SDK2: variants seen among roughly 807,000 people sequenced by gnomAD.
SDK2 encodes sidekick cell adhesion molecule 2.
SDK2 carries 105 observed loss-of-function variants against 253.9 expected under a neutral mutation model. The ratio of observed to expected loss-of-function variants is 0.41; its 90% CI spans 0.35 to 0.49. SDK2 has a LOEUF of 0.49. SDK2 is among the 20% of genes least tolerant of loss of function. The pLI is 0.06. For synonymous variants in SDK2, 1,249 were observed against 1,234.9 expected (o/e 1.01, Z -0.24); for missense variants, 2,608 against 3,003.0 (o/e 0.87, Z 3.07).
At chr17:73,378,355 G>T (rs2062800904) in intron 36 of SDK2, among the ~76,000 whole-genome samples, 1 of 151,996 alleles carries the variant, frequency 6.6e-6, no homozygotes, top group Non-Finnish European at 1.5e-5. Context: ...GCCCACCTTG[G>T]CCTCCTAAAG....
chr17:73,344,570 T>C (rs138872283), intron 44 of SDK2, among the ~76,000 whole-genome samples: 36 of 152,366 alleles, frequency 2.4e-4, no homozygotes, highest in African/African-American at 8.2e-4. Flanking sequence ...TAAATGGGGA[T>C]AGTTTCACTT....
chr17:73,492,284 C>T (rs955019309), intron 2 of SDK2, among the ~76,000 whole-genome samples: 1 of 152,120 alleles, frequency 6.6e-6, no homozygotes, highest in African/African-American at 2.4e-5. Flanking sequence ...CAGTAGGTAG[C>T]TGAGCAGAGT....
rs2270718 is a variant in SDK2, at chr17:73,384,277, G to A, written c.4570-266C>T. Reference sequence around the variant, plus strand: ...GGAAACTGAGGCTCAGAGATGTTAAGGAACTTGCCCAAGATCACAGAGCAT... The same window carrying A: ...GGAAACTGAGGCTCAGAGATGTTAAAGAACTTGCCCAAGATCACAGAGCAT... On this transcript the variant is annotated intron_variant, in intron 32 of 44. Transcript: ENST00000392650. 9.1e-3 allele frequency among the ~76,000 whole-genome samples: 1,389 copies of A among 152,246 alleles called. 37 individuals carry two copies. The highest frequency in any genetic ancestry group is 0.087 in the East Asian group (450 of 5,164).
chr17:73,485,400 C>G (rs368002329), intron 2 of SDK2, among the ~76,000 whole-genome samples: 2 of 152,088 alleles, frequency 1.3e-5, no homozygotes, highest in African/African-American at 2.4e-5. Context: ...CCTGAGACAT[C>G]GACTGTGGTG....
At chr17:73,592,938 C>T (rs577305997) in intron 1 of SDK2, among the ~76,000 whole-genome samples, 27 of 152,062 alleles carry the variant, frequency 1.8e-4, no homozygotes, top group African/African-American at 4.6e-4. Flanking sequence ...GTGTTTGCAG[C>T]GCATGGGGGT....
chr17:73,594,443 T>C (rs754922936), intron 1 of SDK2, among the ~76,000 whole-genome samples: 1 of 151,768 alleles, frequency 6.6e-6, no homozygotes, highest in Non-Finnish European at 1.5e-5. Flanking sequence ...GTTGCTCCCC[T>C]GGAAAGTGTT....
At chr17:73,540,804 C>T (rs1355086535) in intron 1 of SDK2, among the ~76,000 whole-genome samples, 2 of 152,222 alleles carry the variant, frequency 1.3e-5, no homozygotes, top group Non-Finnish European at 1.5e-5. Flanking sequence ...TGCCTCTCCC[C>T]TCGTGGGCTG....
intron 44 of SDK2, among the ~76,000 whole-genome samples, chr17:73,347,621 T>A (rs901110950): frequency 3.3e-5 from 5 of 152,160 alleles, no homozygotes; most frequent in African/African-American, 1.2e-4. Flanking sequence ...TGCTGGCACC[T>A]CTTCCTTCAC....
chr17:73,643,997 CTGT>C lies in SDK2; in HGVS notation c.64+25_64+27del. 6.5e-7 allele frequency: 1 copy of C among 1,531,962 alleles called. No homozygotes were observed. Among genetic ancestry groups the C allele is most frequent in the Non-Finnish European group, 8.8e-7 (1 of 1,131,690 alleles). 94.9% of individuals were successfully genotyped at this position (1,531,962 alleles called of 1,614,324 possible). A position where few individuals can be genotyped will look rare whatever the true frequency, so the allele number is the denominator to read the frequency against. On this transcript the variant is annotated intron_variant, in intron 1 of 44. Coordinates refer to ENST00000392650, the MANE Select transcript of SDK2 (RefSeq NM_001144952.2). The surrounding 1 kb of genome is among the most constrained non-coding windows in gnomAD (Gnocchi z 6.9). ...CCCGCCCACTCTCCCAGCCCCCTCC[CTGT>C]CCCCACGTGGGGGTCCCTCCTTACC...
At chr17:73,428,051 A>G (rs1478981374) in intron 12 of SDK2, among the ~76,000 whole-genome samples, 1 of 152,230 alleles carries the variant, frequency 6.6e-6, no homozygotes, top group African/African-American at 2.4e-5. Flanking sequence ...ATGCCTCACC[A>G]AAGAAGGTAC....
intron 1 of SDK2, among the ~76,000 whole-genome samples, chr17:73,631,510 A>T (rs1413148874): frequency 6.6e-6 from 1 of 152,148 alleles, no homozygotes; most frequent in East Asian, 1.9e-4. Flanking sequence ...AGAGACAAAC[A>T]TCAGGGATGG....
At chr17:73,413,308 C>T (rs2063154835) in intron 18 of SDK2, among the ~76,000 whole-genome samples, 1 of 151,846 alleles carries the variant, frequency 6.6e-6, no homozygotes, top group Non-Finnish European at 1.5e-5. Context: ...ACCCCCAGAT[C>T]GGACCATCTA....
intron 1 of SDK2, among the ~76,000 whole-genome samples, chr17:73,599,635 TGAA>T (rs2045810230): frequency 1.3e-5 from 2 of 151,306 alleles, no homozygotes; most frequent in African/African-American, 2.4e-5. Flanking sequence ...GAGGAAAGGA[TGAA>T]GAAGGAGGGA....
At chr17:73,523,853 G>A (rs917356167) in intron 1 of SDK2, among the ~76,000 whole-genome samples, 3 of 151,976 alleles carry the variant, frequency 2.0e-5, no homozygotes, top group Non-Finnish European at 2.9e-5. Context: ...GCAGAAGCGA[G>A]CCCCCTCTTG....
chr17:73,468,928 G>A (rs189795193), intron 3 of SDK2, among the ~76,000 whole-genome samples: 2 of 151,906 alleles, frequency 1.3e-5, no homozygotes, highest in Admixed American at 1.3e-4. Flanking sequence ...GGGTTCATGC[G>A]ATTCTCCCAC....
Position 73,379,413 on chromosome 17 carries a change from G to T in SDK2, c.4864+35C>A, listed in dbSNP as rs375474489. 1.3e-6 allele frequency: 2 copies of T among 1,548,962 alleles called. No homozygotes were observed. Among genetic ancestry groups the T allele is most frequent in the Middle Eastern group, 1.7e-4 (1 of 5,736 alleles). On this transcript the variant is annotated intron_variant, in intron 35 of 44. Transcript: ENST00000392650. The surrounding 1 kb of genome is among the most constrained non-coding windows in gnomAD (Gnocchi z 4.5). ...GCTGAACTGGGTGGGGCTGGGAAAGGCATGCTGGGGCCGGACAGGGCGGGC... is the reference window on the plus strand; with the variant it reads ...GCTGAACTGGGTGGGGCTGGGAAAGTCATGCTGGGGCCGGACAGGGCGGGC...
intron 1 of SDK2, among the ~76,000 whole-genome samples, chr17:73,537,040 G>A (rs963660246): frequency 6.6e-6 from 1 of 152,188 alleles, no homozygotes; most frequent in African/African-American, 2.4e-5. Flanking sequence ...TGAGGCTTTG[G>A]GGACTGTGAG....
At chr17:73,470,035 G>C (rs1053368664) in intron 3 of SDK2, among the ~76,000 whole-genome samples, 13 of 86,994 alleles carry the variant, frequency 1.5e-4, no homozygotes, top group African/African-American at 4.4e-4. Context: ...CACACACACA[G>C]AGGTTCTGGC....
intron 1 of SDK2, among the ~76,000 whole-genome samples, chr17:73,628,404 G>A (rs1246292379): frequency 6.6e-6 from 1 of 152,224 alleles, no homozygotes; most frequent in Non-Finnish European, 1.5e-5. Context: ...CCTCCTAGAC[G>A]CCTGAGAGGA....
Sources: gnomAD v4.1 joint callset for allele counts (sites outside exome capture counted in the v4.1 genomes callset) on GRCh38, gnomAD v4.1.1 for gene constraint, Gnocchi (gnomAD v3.1) non-coding constraint, MANE v1.5 for transcripts, NCBI Gene and HGNC (gene_info 2026-07-23, HGNC 2026-07-21) for gene names.